The following TAF3 variants were observed in gnomAD, a reference collection of about 807,000 sequenced individuals.
TAF3 encodes the protein transcription initiation factor TFIID subunit 3.
Under a neutral mutation model 80.6 loss-of-function variants are expected in TAF3, and 7 were observed. The observed-to-expected ratio is 0.09, with a 90% CI of 0.05 to 0.16. TAF3 has a LOEUF of 0.16. TAF3 is among the 10% of genes least tolerant of loss of function. The pLI is 1.00. For missense variants in TAF3, 921 were observed against 1,140.2 expected (o/e 0.81, Z 2.77); for synonymous variants, 444 against 446.1 (o/e 1.00, Z 0.06).
chr10:7,884,369 G>A (rs188264439), intron 2 of TAF3, among the ~76,000 whole-genome samples: 14 of 148,166 alleles, frequency 9.4e-5, no homozygotes, highest in East Asian at 2.0e-4. Context: ...GGAAGCAGCC[G>A]TTTCTCCAAA....
rs534278921 is a variant in TAF3 at position 7,859,086 on chromosome 10, C to T, written c.409+34526C>T. On this transcript the variant is annotated intron_variant, in intron 2 of 6. Transcript: ENST00000344293. ...GACCATCCTGGCTAACACGGTGAAA[C>T]CCCGTCTCTACTAAAAATACAAAAA... Among the ~76,000 whole-genome samples, 563 of 152,026 alleles carry T rather than the reference C, an allele frequency of 3.7e-3. 6 individuals carry two copies. The highest frequency in any genetic ancestry group is 0.013 in the African/African-American group (544 of 41,458).
intron 2 of TAF3, among the ~76,000 whole-genome samples, chr10:7,854,401 G>A (rs76201196): frequency 0.024 from 3,629 of 152,250 alleles, 178 homozygotes; most frequent in East Asian, 0.22. Context: ...TATGCGAGCC[G>A]CAGCGAGATA....
Position 7,964,062 on chromosome 10 carries a change from T to G in TAF3, c.552T>G (p.Pro184=). The G allele has an allele frequency of 6.2e-7, 1 of 1,614,076 alleles. No homozygotes were observed. The highest frequency in any genetic ancestry group is 8.5e-7 in the Non-Finnish European group (1 of 1,180,004). Reference sequence around the variant, plus strand: ...TGGGCAAGAGACCACTGGATAGTCCTGAAGCTGAAGAACTGCCAGCCATGA... The same window carrying G: ...TGGGCAAGAGACCACTGGATAGTCCGGAAGCTGAAGAACTGCCAGCCATGA... ...NFLGKRPLDS[P]EAEELPAMKR... is the part of the protein sequence containing the mutation. The change falls in exon 3 of 7, where the codon CCT becomes CCG. Residue 184 remains proline (P), a synonymous_variant. Transcript: ENST00000344293. This position sits in a 1 kb window ranked among gnomAD's most constrained non-coding sequence, Gnocchi z 4.1.
intron 4 of TAF3, among the ~76,000 whole-genome samples, chr10:8,004,257 G>T (rs895899313): frequency 6.6e-6 from 1 of 151,874 alleles, no homozygotes; most frequent in African/African-American, 2.4e-5. Context: ...CACCATGTTG[G>T]CCATGGTGAA....
chr10:7,871,446 T>G (rs1837265129), intron 2 of TAF3, among the ~76,000 whole-genome samples: 1 of 132,776 alleles, frequency 7.5e-6, no homozygotes, highest in Non-Finnish European at 1.7e-5. Flanking sequence ...TTTTTTTTTT[T>G]TTTTTTTTTT....
At chr10:7,832,495 A>G (rs1284768118) in intron 2 of TAF3, among the ~76,000 whole-genome samples, 1 of 152,196 alleles carries the variant, frequency 6.6e-6, no homozygotes, top group East Asian at 1.9e-4. Flanking sequence ...TAGTAATTAC[A>G]TCAGACTAAA....
At chr10:7,924,602 A>C (rs1385684771) in intron 2 of TAF3, among the ~76,000 whole-genome samples, 1 of 152,236 alleles carries the variant, frequency 6.6e-6, no homozygotes, top group Admixed American at 6.5e-5. Context: ...GTAGAACTTA[A>C]GAATGCGCTA....
chr10:8,013,627 C>G, intron 5 of TAF3, 104 bp from the exon 6 acceptor site: 2 of 810,798 alleles, frequency 2.5e-6, no homozygotes, highest in East Asian at 5.0e-5. Flanking sequence ...TTTAATATGC[C>G]TGTTTATTCG....
intron 2 of TAF3, among the ~76,000 whole-genome samples, chr10:7,918,274 A>T (rs1837731034): frequency 1.3e-5 from 2 of 152,124 alleles, no homozygotes; most frequent in Non-Finnish European, 2.9e-5. Flanking sequence ...CTTCATGAAG[A>T]GTGGGAGAGA....
At chr10:7,878,338 T>C (rs1837329021) in intron 2 of TAF3, among the ~76,000 whole-genome samples, 1 of 152,162 alleles carries the variant, frequency 6.6e-6, no homozygotes, top group Non-Finnish European at 1.5e-5. Flanking sequence ...CTGCACACAG[T>C]GTGAAAAACA....
intron 2 of TAF3, among the ~76,000 whole-genome samples, chr10:7,915,546 G>A (rs1356927670): frequency 6.6e-6 from 1 of 151,442 alleles, no homozygotes; most frequent in African/African-American, 2.4e-5. Flanking sequence ...GGGAGGCTGA[G>A]GCAGGAGAAT....
intron 1 of TAF3, among the ~76,000 whole-genome samples, chr10:7,823,634 CTTT>C (rs71515490): frequency 7.4e-6 from 1 of 135,908 alleles, no homozygotes; most frequent in African/African-American, 2.7e-5. Context: ...GATGCCATCT[CTTT>C]TTTTTTTTTT....
intron 2 of TAF3, among the ~76,000 whole-genome samples, chr10:7,831,924 A>G (rs915173702): frequency 1.3e-4 from 19 of 146,470 alleles, no homozygotes; most frequent in African/African-American, 4.4e-4. Context: ...TTCAGGTTAC[A>G]TTTGTATATA....
intron 2 of TAF3, among the ~76,000 whole-genome samples, chr10:7,897,227 C>T (rs1394720430): frequency 6.6e-6 from 1 of 152,208 alleles, no homozygotes; most frequent in African/African-American, 2.4e-5. Context: ...TACCCACACC[C>T]AAAGAGGACG....
intron 1 of TAF3, among the ~76,000 whole-genome samples, chr10:7,821,740 A>AT (rs894540628): frequency 2.6e-5 from 4 of 152,118 alleles, no homozygotes; most frequent in Non-Finnish European, 4.4e-5. Flanking sequence ...GTACTGTAAT[A>AT]TTTTTTTGCA....
At chr10:7,943,171 G>A (rs773702826) in intron 2 of TAF3, among the ~76,000 whole-genome samples, 16 of 152,128 alleles carry the variant, frequency 1.1e-4, no homozygotes, top group African/African-American at 2.2e-4. Flanking sequence ...AACTCCACTC[G>A]GCCTCCAGCG....
intron 4 of TAF3, among the ~76,000 whole-genome samples, chr10:8,008,018 G>C (rs11255478): frequency 0.11 from 17,247 of 151,358 alleles, 1,951 homozygotes; most frequent in African/African-American, 0.28. Context: ...CTAGCGACCT[G>C]CGGCAGCATC....
At chr10:7,891,524 C>A (rs1041018504) in intron 2 of TAF3, among the ~76,000 whole-genome samples, 5 of 152,210 alleles carry the variant, frequency 3.3e-5, no homozygotes, top group African/African-American at 1.2e-4. Context: ...ATACCACTTA[C>A]AGCAAATTTT....
chr10:7,905,300 T>G (rs1435605855), intron 2 of TAF3, among the ~76,000 whole-genome samples: 1 of 152,170 alleles, frequency 6.6e-6, no homozygotes, highest in South Asian at 2.1e-4. Context: ...TAGCAAAGTT[T>G]AGAGAAGCAC....
Sources: allele counts gnomAD v4.1 joint callset (sites outside exome capture counted in the v4.1 genomes callset), GRCh38; gene constraint gnomAD v4.1.1; non-coding constraint Gnocchi (gnomAD v3.1); transcripts MANE v1.5; gene names NCBI Gene and HGNC (gene_info 2026-07-23, HGNC 2026-07-21).